The following OSBPL6 variants were observed in gnomAD, a reference collection of about 807,000 sequenced individuals.
OSBPL6 encodes oxysterol-binding protein-related protein 6.
Under a neutral mutation model 125.8 loss-of-function variants are expected in OSBPL6, and 49 were observed. That is an observed-to-expected ratio of 0.39 (90% CI 0.31 to 0.49). The LOEUF is 0.49. OSBPL6 is among the 20% of genes least tolerant of loss of function. The pLI is 0.88. For missense variants in OSBPL6, 986 were observed against 1,135.4 expected, an observed-to-expected ratio of 0.87 and a Z score of 1.89; for synonymous variants, 394 against 391.8, an observed-to-expected ratio of 1.01 and a Z score of -0.07.
In OSBPL6 at chr2:178,396,013, C is replaced by T. The variant is rs1559336859; in HGVS notation, c.*454C>T. 1.3e-5 allele frequency: 4 copies of T among 303,008 alleles called. No homozygotes were observed. The highest frequency in any genetic ancestry group is 1.2e-4 in the South Asian group (4 of 32,078). The allele number at this position is 303,008 out of a possible 1,614,324, so 18.8% of individuals were successfully genotyped here. A position where few individuals can be genotyped will look rare whatever the true frequency, so the allele number is the denominator to read the frequency against. ...ACAAGCAGTCGGTCAGTGCAGACTT[C>T]AAGTGTGTCTGTTTGATGTGGTGTG... On this transcript the variant is annotated 3_prime_UTR_variant, in exon 25 of 25. Coordinates refer to ENST00000190611, the MANE Select transcript of OSBPL6 (RefSeq NM_032523.4).
chr2:178,398,424 G>C lies in OSBPL6; in HGVS notation c.*2865G>C, dbSNP rs1433016517. ...TAAGTGACGATGATTCTGAGGACTT[G>C]GCTAGACTGAGCGGATCAATGGCAC... On this transcript the variant is annotated 3_prime_UTR_variant, in exon 25 of 25. Transcript: ENST00000190611. The C allele has an allele frequency of 1.3e-5, 2 of 152,202 alleles. No homozygotes were observed. The highest frequency in any genetic ancestry group is 4.8e-5 in the African/African-American group (2 of 41,444). 9.4% of individuals were successfully genotyped at this position (152,202 alleles called of 1,614,324 possible).
intron 3 of OSBPL6, among the ~76,000 whole-genome samples, chr2:178,318,460 G>C (rs762278924): frequency 6.6e-6 from 1 of 152,242 alleles, no homozygotes; most frequent in Non-Finnish European, 1.5e-5. Context: ...GTGAAGGCCA[G>C]ATAATGGAGA....
chr2:178,307,140 C>A (rs1039529585), intron 3 of OSBPL6, among the ~76,000 whole-genome samples: 1 of 152,114 alleles, frequency 6.6e-6, no homozygotes, highest in Non-Finnish European at 1.5e-5. Flanking sequence ...TCCTTCACCC[C>A]CTCCACCCCT....
chr2:178,344,054 TG>T (rs1481010167), intron 11 of OSBPL6, among the ~76,000 whole-genome samples: 1 of 152,192 alleles, frequency 6.6e-6, no homozygotes, highest in Non-Finnish European at 1.5e-5. Flanking sequence ...CATCTCCTTT[TG>T]GGGTGTGGGT....
intron 15 of OSBPL6, among the ~76,000 whole-genome samples, chr2:178,381,258 A>T (rs1438515591): frequency 1.3e-5 from 2 of 152,018 alleles, no homozygotes; most frequent in African/African-American, 4.8e-5. Context: ...TTTTTCTGCT[A>T]ATTTGTGTTT....
At chr2:178,368,804 CTT>C (rs5836651) in intron 13 of OSBPL6, among the ~76,000 whole-genome samples, 1 of 146,262 alleles carries the variant, frequency 6.8e-6, no homozygotes. Context: ...AAAAAAAATC[CTT>C]TTTTTTTTTT....
chr2:178,328,223 A>G (rs749834618), intron 4 of OSBPL6, 33 bp from the exon 5 acceptor site: 4 of 1,611,660 alleles, frequency 2.5e-6, no homozygotes, highest in Non-Finnish European at 3.4e-6. Flanking sequence ...GGCACTGAGT[A>G]ACATGTGATT....
intron 1 of OSBPL6, among the ~76,000 whole-genome samples, chr2:178,224,269 G>A (rs753780673): frequency 6.6e-6 from 1 of 152,156 alleles, no homozygotes; most frequent in Non-Finnish European, 1.5e-5. Flanking sequence ...GTGAATAAGA[G>A]CAAATGATTT....
chr2:178,310,412 C>CTTTTTTTT (rs71023440), intron 3 of OSBPL6, among the ~76,000 whole-genome samples: 5 of 85,690 alleles, frequency 5.8e-5, no homozygotes, highest in African/African-American at 9.5e-5. Flanking sequence ...AAACTGAACT[C>CTTTTTTTT]TTTTTTTTTT....
At chr2:178,209,949 C>T (rs2366157) in intron 1 of OSBPL6, among the ~76,000 whole-genome samples, 55,295 of 151,442 alleles carry the variant, frequency 0.37, 10,283 homozygotes, top group African/African-American at 0.4. Flanking sequence ...CATACTATAG[C>T]CATATGTACT....
intron 5 of OSBPL6, among the ~76,000 whole-genome samples, chr2:178,330,960 C>A (rs1337621839): frequency 7.2e-5 from 11 of 152,138 alleles, no homozygotes; most frequent in Admixed American, 7.2e-4. Context: ...TAGTGTAGTT[C>A]AGAAATAATT....
At chr2:178,375,170 G>A (rs1001810233) in intron 15 of OSBPL6, among the ~76,000 whole-genome samples, 1 of 152,154 alleles carries the variant, frequency 6.6e-6, no homozygotes, top group African/African-American at 2.4e-5. Context: ...TCTAGTCAGA[G>A]ATTGCCTGAT....
intron 1 of OSBPL6, among the ~76,000 whole-genome samples, chr2:178,201,713 C>A (rs1390686620): frequency 6.6e-6 from 1 of 152,142 alleles, no homozygotes; most frequent in Non-Finnish European, 1.5e-5. Context: ...CCATCACATG[C>A]CTAGATACTA....
chr2:178,223,841 C>A (rs540241905), intron 1 of OSBPL6, among the ~76,000 whole-genome samples: 2 of 152,254 alleles, frequency 1.3e-5, no homozygotes, highest in East Asian at 3.9e-4. Context: ...TGTTATTGAA[C>A]TCATTTTGAT....
chr2:178,225,884 A>G lies in OSBPL6; in HGVS notation c.-351+31210A>G, dbSNP rs556150639. Among the ~76,000 whole-genome samples the G allele has an allele frequency of 1.2e-4, 19 of 152,334 alleles. No individual in the cohort carries two copies. The East Asian group carries it at 3.7e-3, about 29-fold the overall frequency. On this transcript the variant is annotated intron_variant, in intron 1 of 24. Transcript: ENST00000190611. ...ACAACACATGGGAATTATGGGAGCT[A>G]CAAGATGAAATTTGGGTGAGAACAC...
intron 21 of OSBPL6, among the ~76,000 whole-genome samples, chr2:178,389,577 G>A (rs1695229805): frequency 1.3e-5 from 2 of 152,218 alleles, no homozygotes; most frequent in South Asian, 4.1e-4. Context: ...ATGTAGTCAT[G>A]TAGATGATCA....
intron 3 of OSBPL6, among the ~76,000 whole-genome samples, chr2:178,306,874 G>C (rs1011716942): frequency 1.3e-5 from 2 of 152,166 alleles, no homozygotes; most frequent in Non-Finnish European, 2.9e-5. Context: ...AGTTATTTTT[G>C]TTATGTCATT....
At position 178,227,900 on chromosome 2, in the gene OSBPL6, C is replaced by T. The variant is rs147459103; in HGVS notation, c.-351+33226C>T. ...ATTTGGGTAGATAAGTTATTATCAA[C>T]GTTTAATTTTTGTGTTTTCTCTATG... On this transcript the variant is annotated intron_variant, in intron 1 of 24. Coordinates refer to ENST00000190611, the MANE Select transcript of OSBPL6 (RefSeq NM_032523.4). 5.5e-3 allele frequency among the ~76,000 whole-genome samples: 844 copies of T among 152,156 alleles called. 8 individuals carry two copies. The highest frequency in any genetic ancestry group is 0.019 in the African/African-American group (797 of 41,500).
intron 5 of OSBPL6, among the ~76,000 whole-genome samples, chr2:178,330,116 C>T (rs1689069574): frequency 6.6e-6 from 1 of 152,170 alleles, no homozygotes. Flanking sequence ...TCACTGTTGC[C>T]TTTCATCCTT....
Sources: allele counts gnomAD v4.1 joint callset (sites outside exome capture counted in the v4.1 genomes callset), GRCh38; gene constraint gnomAD v4.1.1; transcripts MANE v1.5; gene names NCBI Gene and HGNC (gene_info 2026-07-23, HGNC 2026-07-21).